Variants in SDCCAG8 observed in about 807,000 individuals in gnomAD.
The protein encoded by SDCCAG8 is SHH signaling and ciliogenesis regulator SDCCAG8, also known as serologically defined colon cancer antigen 8.
In SDCCAG8, 74 loss-of-function variants were observed where a neutral mutation model predicts 101.8. The observed-to-expected ratio is 0.73, with a 90% CI of 0.60 to 0.88. The LOEUF (loss-of-function observed/expected upper bound fraction) is 0.88. SDCCAG8 is among the 40% of genes least tolerant of loss of function. SDCCAG8 has a pLI of 0.00. For synonymous variants in SDCCAG8, 281 were observed against 292.9 expected, an observed-to-expected ratio of 0.96 and a Z score of 0.41; for missense variants, 787 against 822.6, an observed-to-expected ratio of 0.96 and a Z score of 0.53.
chr1:243,391,973 G>A (rs2147945677), intron 13 of SDCCAG8, among the ~76,000 whole-genome samples: 1 of 152,304 alleles, frequency 6.6e-6, no homozygotes, highest in African/African-American at 2.4e-5. Context: ...CATCTGAAGT[G>A]TGGCTCACCA....
chr1:243,361,094 A>G (rs1430371781), intron 12 of SDCCAG8, among the ~76,000 whole-genome samples: 1 of 152,158 alleles, frequency 6.6e-6, no homozygotes, highest in African/African-American at 2.4e-5. Context: ...ATATTGCCAT[A>G]ATAAATTATT....
At chr1:243,499,445 G>A (rs959792166) in intron 17 of SDCCAG8, among the ~76,000 whole-genome samples, 1 of 152,154 alleles carries the variant, frequency 6.6e-6, no homozygotes, top group South Asian at 2.1e-4. Flanking sequence ...GTCCTTTCCC[G>A]GACAGAAGAG....
At chr1:243,451,407 G>A (rs2083345450) in intron 16 of SDCCAG8, among the ~76,000 whole-genome samples, 1 of 152,082 alleles carries the variant, frequency 6.6e-6, no homozygotes, top group African/African-American at 2.4e-5. Flanking sequence ...TCCCAACTTG[G>A]AACTTTTTTT....
chr1:243,263,590 AATGCATATAG>A lies in SDCCAG8; in HGVS notation c.68-6514_68-6505del, dbSNP rs1416222726. Among the ~76,000 whole-genome samples, 13 of 152,312 alleles carry A rather than the reference AATGCATATAG, an allele frequency of 8.5e-5. No individual in the cohort carries two copies. In the South Asian group the frequency reaches 2.5e-3, roughly 29 times the overall value. ...AAGAAATACCAGGTGTATCCCTTAG[AATGCATATAG>A]CCAATCTCCTGGATTTGCCAACACC... On this transcript the variant is annotated intron_variant, in intron 1 of 17. Coordinates refer to ENST00000366541, the MANE Select transcript of SDCCAG8 (RefSeq NM_006642.5).
At chr1:243,369,984 A>T (rs948344400) in intron 12 of SDCCAG8, among the ~76,000 whole-genome samples, 1 of 152,004 alleles carries the variant, frequency 6.6e-6, no homozygotes, top group South Asian at 2.1e-4. Context: ...CTGTAATCTG[A>T]ATCTACCTCT....
chr1:243,413,759 C>T (rs555669729), intron 13 of SDCCAG8, among the ~76,000 whole-genome samples: 2 of 152,028 alleles, frequency 1.3e-5, no homozygotes, highest in Non-Finnish European at 2.9e-5. Flanking sequence ...GCTCCTGCCC[C>T]GGCAGGGGGT....
At chr1:243,332,740 G>A (rs1174946632) in intron 10 of SDCCAG8, among the ~76,000 whole-genome samples, 1 of 151,856 alleles carries the variant, frequency 6.6e-6, no homozygotes, top group Non-Finnish European at 1.5e-5. Flanking sequence ...CGCGGTCCAG[G>A]TCTGGAGGTG....
chr1:243,371,136 AC>A (rs368970407), intron 12 of SDCCAG8, among the ~76,000 whole-genome samples: 105 of 152,084 alleles, frequency 6.9e-4, no homozygotes, highest in African/African-American at 2.5e-3. Context: ...ATGATACTTG[AC>A]CCATGTCATC....
intron 9 of SDCCAG8, among the ~76,000 whole-genome samples, chr1:243,329,822 A>T (rs2451669): frequency 2.0e-4 from 30 of 151,958 alleles, no homozygotes; most frequent in Non-Finnish European, 4.3e-4. Context: ...GCCAAAATGA[A>T]GTTAGAGATT....
intron 14 of SDCCAG8, among the ~76,000 whole-genome samples, chr1:243,417,325 C>A (rs1032335041): frequency 6.6e-6 from 1 of 152,198 alleles, no homozygotes; most frequent in Non-Finnish European, 1.5e-5. Flanking sequence ...ACTGTTAAAA[C>A]CGCCTTAAGA....
chr1:243,476,277 C>G, intron 16 of SDCCAG8: 1 of 985,442 alleles, frequency 1.0e-6, no homozygotes, highest in Non-Finnish European at 1.2e-6. Flanking sequence ...AAATAAAAAG[C>G]TTTCAGCATT....
chr1:243,331,430 A>G (rs910148386), intron 10 of SDCCAG8, among the ~76,000 whole-genome samples: 1 of 152,212 alleles, frequency 6.6e-6, no homozygotes, highest in Admixed American at 6.5e-5. Context: ...ATCAGATTCA[A>G]TGTGTGATAA....
At chr1:243,453,509 A>G (rs889322796) in intron 16 of SDCCAG8, among the ~76,000 whole-genome samples, 1 of 152,014 alleles carries the variant, frequency 6.6e-6, no homozygotes, top group Non-Finnish European at 1.5e-5. Flanking sequence ...TCAATGTAAC[A>G]TATTGGCCCA....
chr1:243,454,398 C>G (rs2148136526), intron 16 of SDCCAG8, among the ~76,000 whole-genome samples: 1 of 152,178 alleles, frequency 6.6e-6, no homozygotes, highest in Non-Finnish European at 1.5e-5. Flanking sequence ...CCCCTTCAGC[C>G]AGGCAGAGAG....
chr1:243,277,367 GT>G (rs2068663952), intron 4 of SDCCAG8, among the ~76,000 whole-genome samples: 1 of 152,180 alleles, frequency 6.6e-6, no homozygotes, highest in African/African-American at 2.4e-5. Flanking sequence ...CCTCATTGCT[GT>G]TTTAATTTCA....
intron 12 of SDCCAG8, among the ~76,000 whole-genome samples, chr1:243,373,951 A>G (rs1457173855): frequency 2.0e-5 from 3 of 152,290 alleles, no homozygotes; most frequent in South Asian, 4.1e-4. Context: ...CAAATCAGAC[A>G]AACAAGAAAG....
At chr1:243,429,209 A>G (rs188033206) in intron 16 of SDCCAG8, among the ~76,000 whole-genome samples, 3 of 152,358 alleles carry the variant, frequency 2.0e-5, no homozygotes, top group East Asian at 3.9e-4. Context: ...AACTTATGGC[A>G]TCAATATATA....
chr1:243,270,779 T>C (rs1422587391), intron 2 of SDCCAG8, among the ~76,000 whole-genome samples, 199 bp from the exon 3 acceptor site: 1 of 152,098 alleles, frequency 6.6e-6, no homozygotes, highest in African/African-American at 2.4e-5. Context: ...TTAGTGTCTC[T>C]CTCTTCCTTG....
intron 4 of SDCCAG8, among the ~76,000 whole-genome samples, chr1:243,277,505 A>G (rs1488743400): frequency 6.6e-6 from 1 of 152,202 alleles, no homozygotes; most frequent in Non-Finnish European, 1.5e-5. Context: ...TCGTTTTCTT[A>G]GTGTTGAGTT....
Sources: gnomAD v4.1 joint callset for allele counts (sites outside exome capture counted in the v4.1 genomes callset) on GRCh38, gnomAD v4.1.1 for gene constraint, MANE v1.5 for transcripts, NCBI Gene and HGNC (gene_info 2026-07-23, HGNC 2026-07-21) for gene names.